Variants in SFI1 observed in about 807,000 individuals in gnomAD.
The protein encoded by SFI1 is SFI1 centrin binding protein, also known as protein SFI1 homolog.
In SFI1, 195 loss-of-function variants were observed where a neutral mutation model predicts 207.5. The ratio of observed to expected loss-of-function variants is 0.94; its 90% CI spans 0.84 to 1.06. The LOEUF is 1.06. SFI1 is among the 50% of genes least tolerant of loss of function. SFI1 has a pLI of 0.00. For synonymous variants in SFI1, 630 were observed against 598.9 expected (o/e 1.05, Z -0.76); for missense variants, 1,634 against 1,588.0 (o/e 1.03, Z -0.49).
At chr22:31,613,888 C>T in intron 27 of SFI1, 33 bp downstream of exon 27, 2 of 1,551,218 alleles carry the variant, frequency 1.3e-6, no homozygotes, top group Non-Finnish European at 1.7e-6. Context: ...GTCCTCGCTT[C>T]CACCCTGGGC....
intron 19 of SFI1, 172 bp downstream of exon 19, chr22:31,604,576 C>A: frequency 1.6e-6 from 1 of 623,436 alleles, no homozygotes; most frequent in Non-Finnish European, 2.7e-6. Flanking sequence ...TTCTTTGATT[C>A]TTGCTTGGCC....
At chr22:31,612,426 T>TATATATATATATATATATATATAAAA (rs1491348905) in intron 24 of SFI1, 4 of 99,928 alleles carry the variant, frequency 4.0e-5, no homozygotes, top group Admixed American at 1.1e-4. Context: ...TATATATATA[T>TATATATATATATATATATATATAAAA]AATCAGTGGG....
intron 5 of SFI1, among the ~76,000 whole-genome samples, chr22:31,549,979 G>C (rs917545356): frequency 9.2e-5 from 14 of 152,026 alleles, no homozygotes; most frequent in Admixed American, 8.5e-4. Flanking sequence ...GTCCAGGCTG[G>C]AGTGCAGTGG....
chr22:31,512,593 C>T (rs951064751), intron 2 of SFI1, among the ~76,000 whole-genome samples: 30 of 151,606 alleles, frequency 2.0e-4, no homozygotes, highest in African/African-American at 6.8e-4. Flanking sequence ...TCTTGGCTCA[C>T]TGCAACCTCC....
At chr22:31,602,840 T>TTCTA (rs1242988879) in intron 17 of SFI1, 55 bp downstream of exon 17, 14 of 1,573,960 alleles carry the variant, frequency 8.9e-6, no homozygotes, top group Non-Finnish European at 1.1e-5. Context: ...GCTTTGCTTG[T>TTCTA]TCTAGCAGCA....
chr22:31,526,449 A>G (rs2057920349), intron 2 of SFI1, among the ~76,000 whole-genome samples: 1 of 152,174 alleles, frequency 6.6e-6, no homozygotes, highest in South Asian at 2.1e-4. Context: ...TGGGGGAACT[A>G]CCACCATAAT....
chr22:31,587,002 T>C (rs1304738776), intron 14 of SFI1, among the ~76,000 whole-genome samples: 1 of 152,240 alleles, frequency 6.6e-6, no homozygotes, highest in Non-Finnish European at 1.5e-5. Flanking sequence ...GATAAAAATA[T>C]TATTTTTTGT....
chr22:31,540,479 A>G (rs1190796329), intron 4 of SFI1, among the ~76,000 whole-genome samples: 1 of 150,226 alleles, frequency 6.7e-6, no homozygotes, highest in African/African-American at 2.5e-5. Context: ...ACGGGGTTTC[A>G]CCCTCTTGGC....
At chr22:31,584,281 T>TA (rs1181109490) in intron 13 of SFI1, among the ~76,000 whole-genome samples, 1 of 152,170 alleles carries the variant, frequency 6.6e-6, no homozygotes, top group East Asian at 1.9e-4. Context: ...TTGCTAGTGT[T>TA]AAAGAGAAGG....
intron 6 of SFI1, among the ~76,000 whole-genome samples, chr22:31,556,236 T>C (rs1211614146): frequency 6.6e-6 from 1 of 151,606 alleles, no homozygotes; most frequent in African/African-American, 2.4e-5. Flanking sequence ...CTTTTTTTTT[T>C]TTTTGAGACG....
At chr22:31,512,127 G>A (rs1415966980) in intron 2 of SFI1, among the ~76,000 whole-genome samples, 2 of 152,042 alleles carry the variant, frequency 1.3e-5, no homozygotes, top group South Asian at 2.1e-4. Flanking sequence ...AGGCCGAGGC[G>A]GGCAGATCAT....
intron 12 of SFI1, among the ~76,000 whole-genome samples, chr22:31,581,868 A>T (rs534056685): frequency 6.6e-6 from 1 of 152,046 alleles, no homozygotes; most frequent in African/African-American, 2.4e-5. Context: ...GAATAATTTC[A>T]AAGTAAATTA....
chr22:31,606,460 C>T, intron 21 of SFI1, 30 bp downstream of exon 21: 1 of 1,587,726 alleles, frequency 6.3e-7, no homozygotes, highest in South Asian at 1.1e-5. Context: ...GCTGGTCACC[C>T]AGGAGAGTTG....
intron 14 of SFI1, among the ~76,000 whole-genome samples, chr22:31,588,491 C>G (rs2065330274): frequency 6.6e-6 from 1 of 152,158 alleles, no homozygotes; most frequent in Non-Finnish European, 1.5e-5. Context: ...GAAGGAGGAG[C>G]AAATAATTTG....
intron 2 of SFI1, among the ~76,000 whole-genome samples, chr22:31,516,333 CA>C (rs993279578): frequency 2.0e-5 from 3 of 150,802 alleles, no homozygotes; most frequent in Admixed American, 6.6e-5. Flanking sequence ...ACCAACATGG[CA>C]AAACCCCGTC....
Position 31,582,206 on chromosome 22 carries a change from T to TATATATATATATATATA in SFI1, c.1249-1669_1249-1668insATATATATATATATATA, listed in dbSNP as rs1569376507. On this transcript the variant is annotated intron_variant, in intron 12 of 32. Transcript: ENST00000400288. ...CCCAACAACACTTCTTTATTACATT[T>TATATATATATATATATA]TATATATATATATATATATATATAT... 2.5e-3 allele frequency among the ~76,000 whole-genome samples: 93 copies of TATATATATATATATATA among 36,610 alleles called. 7 individuals carry two copies. The highest frequency in any genetic ancestry group is 0.01 in the South Asian group (7 of 678). The allele number at this position is 36,610 out of a possible 152,430, so 24.0% of individuals were successfully genotyped here.
Position 31,617,116 on chromosome 22 carries a change from G to C in SFI1, c.3512+38G>C, listed in dbSNP as rs760122628. ...AAACGCCCTGCAGCCCTGGCTACAG[G>C]AGCAGGTGTTGCCTGGAGAGGTGGG... On this transcript the variant is annotated intron_variant, in intron 31 of 32. Coordinates refer to ENST00000400288, the MANE Select transcript of SFI1 (RefSeq NM_001007467.3). 3.7e-6 allele frequency: 6 copies of C among 1,609,204 alleles called. No homozygotes were observed. In the East Asian group the frequency reaches 8.9e-5, roughly 24 times the overall value.
At chr22:31,514,507 C>CAAAA (rs776120363) in intron 2 of SFI1, among the ~76,000 whole-genome samples, 65 of 48,950 alleles carry the variant, frequency 1.3e-3, no homozygotes, top group Non-Finnish European at 2.1e-3. Flanking sequence ...GACTCTGTCT[C>CAAAA]AAAAAAAAAA....
chr22:31,511,098 A>G (rs1200720665), intron 2 of SFI1, among the ~76,000 whole-genome samples: 1 of 152,042 alleles, frequency 6.6e-6, no homozygotes, highest in Non-Finnish European at 1.5e-5. Flanking sequence ...TGGGAGAGAG[A>G]ACTGTTTGAG....
Sources: gnomAD v4.1 joint callset for allele counts (sites outside exome capture counted in the v4.1 genomes callset) on GRCh38, gnomAD v4.1.1 for gene constraint, MANE v1.5 for transcripts, NCBI Gene and HGNC (gene_info 2026-07-23, HGNC 2026-07-21) for gene names.